The following FRY variants were observed in gnomAD, a reference collection of about 807,000 sequenced individuals.
FRY encodes protein furry homolog.
FRY carries 128 observed loss-of-function variants against 348.4 expected under a neutral mutation model. The ratio of observed to expected loss-of-function variants is 0.37; its 90% confidence interval spans 0.32 to 0.43. The LOEUF (loss-of-function observed/expected upper bound fraction) is 0.43, where lower values mean the gene tolerates loss of function less well. Ranked by LOEUF, FRY falls within the 20% of genes least tolerant of loss-of-function variation. The pLI, the probability that FRY is intolerant of heterozygous loss-of-function variation, is 1.00. For missense variants in FRY, 2,736 were observed against 3,695.2 expected (o/e 0.74, Z 6.73); for synonymous variants, 1,370 against 1,374.7 (o/e 1.00, Z 0.08).
Position 32,234,559 on chromosome 13 carries a change from C to T in FRY, c.5528-15C>T, listed in dbSNP as rs377263264. 4.3e-6 allele frequency: 7 copies of T among 1,612,392 alleles called. No individual in the cohort carries two copies. In the African/African-American group the frequency reaches 6.7e-5, roughly 15 times the overall value. On this transcript the variant is annotated splice_polypyrimidine_tract_variant and intron_variant, in intron 41 of 60. Coordinates refer to ENST00000542859, the MANE Select transcript of FRY (RefSeq NM_023037.3). The stretch of plus-strand genomic sequence containing the variant: ...GAGTAGAGACTGACCTATTCTGTGG[C>T]TCTTGTTACCCTAGGCTTCCATCTG...
chr13:32,294,427 A>G lies in FRY; in HGVS notation c.8640A>G (p.Ala2880=). The change falls in exon 60 of 61, where the codon GCA becomes GCG. Residue 2880 remains alanine (A), a synonymous_variant. Transcript: ENST00000542859. ...DLKKHLKEAS[A]VIAADPLYSD... ...AGAAACACCTGAAGGAAGCCAGTGC[A>G]GTCATTGCAGCTGACCCTCTCTATT... is the stretch of plus-strand genomic sequence containing the variant. The G allele has an allele frequency of 1.2e-6, 2 of 1,614,080 alleles. No homozygotes were observed. The highest frequency in any genetic ancestry group is 1.7e-6 in the Non-Finnish European group (2 of 1,179,922).
chr13:32,249,544 C>T lies in FRY; in HGVS notation c.7027C>T (p.Arg2343Trp), dbSNP rs1452957961. 3.1e-6 allele frequency: 5 copies of T among 1,613,942 alleles called. No individual in the cohort carries two copies. Among genetic ancestry groups the T allele is most frequent in the South Asian group, 2.2e-5 (2 of 91,074 alleles). The change falls in exon 49 of 61, where the codon CGG becomes TGG. Residue 2343 changes from arginine (R) to tryptophan (W), a missense_variant. By Grantham distance (101) the Arg-to-Trp change is moderately radical (BLOSUM62 -3). Coordinates refer to ENST00000542859, the MANE Select transcript of FRY (RefSeq NM_023037.3). ...TCTCAAGACTCCAATCATCGGGAGG[C>T]GGTATGATGAGCTGCAGAATTCTTC... ...DISETPIIGR[R>W]YDELQNSSGR...
At chr13:32,249,107 G>T (rs1242039808) in intron 48 of FRY, among the ~76,000 whole-genome samples, 2 of 152,150 alleles carry the variant, frequency 1.3e-5, no homozygotes, top group Non-Finnish European at 2.9e-5. Flanking sequence ...ATATAAATAA[G>T]TTAAATACAT....
chr13:32,098,089 T>C (rs1876876551), intron 2 of FRY, among the ~76,000 whole-genome samples: 1 of 152,070 alleles, frequency 6.6e-6, no homozygotes, highest in South Asian at 2.1e-4. Flanking sequence ...CACATGGTGG[T>C]CTCACCTACA....
rs371474841 is a variant in FRY, at chr13:32,289,722, C to T, written c.8559C>T (p.His2853=). 5.0e-5 allele frequency: 80 copies of T among 1,604,710 alleles called. No individual in the cohort carries two copies. The highest frequency in any genetic ancestry group is 3.1e-4 in the East Asian group (14 of 44,844). ...ACTGTAAGCTCATCGGCCAGGTGCA[C>T]GAAGTTAGCTCCATGCCAGAGGTGA... is the stretch of plus-strand genomic sequence containing the variant. The part of the protein sequence containing the change: ...QSYCKLIGQV[H]EVSSMPELLN... Residue 2853 remains histidine (H), a synonymous_variant, in exon 59 of 61, where the codon CAC becomes CAT. Coordinates refer to ENST00000542859, the MANE Select transcript of FRY (RefSeq NM_023037.3).
At chr13:32,131,561 C>A in intron 7 of FRY, 111 bp from the exon 8 acceptor site, 1 of 760,678 alleles carries the variant, frequency 1.3e-6, no homozygotes, top group Non-Finnish European at 2.3e-6. Context: ...TGTACTTGAA[C>A]TGATTTAAAG....
chr13:32,217,395 T>C (rs1250373775), intron 35 of FRY, among the ~76,000 whole-genome samples: 3 of 152,310 alleles, frequency 2.0e-5, no homozygotes, highest in South Asian at 4.1e-4. Flanking sequence ...ATGCTATTGA[T>C]TTCTTTCTAG....
intron 40 of FRY, 105 bp from the exon 41 acceptor site, chr13:32,231,074 C>CA: frequency 1.0e-6 from 1 of 982,902 alleles, no homozygotes; most frequent in East Asian, 2.6e-5. Context: ...GCATAGATTG[C>CA]AAAAAATTTA....
chr13:32,101,913 A>G (rs745914700), intron 2 of FRY, 50 bp from the exon 3 acceptor site: 1 of 1,011,584 alleles, frequency 9.9e-7, no homozygotes, highest in Non-Finnish European at 1.6e-6. Context: ...CTTTTATACT[A>G]TTTAAGAGAC....
In FRY at chr13:32,178,198, A is replaced by G. The variant is rs1363678620; in HGVS notation, c.2443A>G (p.Asn815Asp). The change falls in exon 21 of 61, where the codon AAT becomes GAT. Residue 815 changes from asparagine (N) to aspartate (D), a missense_variant. Coordinates refer to ENST00000542859, the MANE Select transcript of FRY (RefSeq NM_023037.3). ...SDSATLPLTH[N>D]VDLQWLVEWN... Reference sequence around the variant, plus strand: ...ACAGGCAACATTACCACTCACCCACAATGTGGATCTGCAGTGGTTGGTGGA... The same window carrying G: ...ACAGGCAACATTACCACTCACCCACGATGTGGATCTGCAGTGGTTGGTGGA... 6.2e-7 allele frequency: 1 copy of G among 1,614,170 alleles called. No homozygotes were observed. The highest frequency in any genetic ancestry group is 8.5e-7 in the Non-Finnish European group (1 of 1,179,994).
intron 2 of FRY, among the ~76,000 whole-genome samples, chr13:32,085,531 C>G (rs1418292529): frequency 6.6e-6 from 1 of 152,168 alleles, no homozygotes; most frequent in Non-Finnish European, 1.5e-5. Flanking sequence ...GCCAGTCAAC[C>G]TCCTTTTTTT....
chr13:32,220,093 A>G (rs1566143209), intron 36 of FRY, among the ~76,000 whole-genome samples: 1 of 152,232 alleles, frequency 6.6e-6, no homozygotes, highest in African/African-American at 2.4e-5. Context: ...GGGAATCAGT[A>G]TCTTGTGGGA....
intron 8 of FRY, among the ~76,000 whole-genome samples, chr13:32,134,702 C>G (rs1372102701): frequency 2.0e-5 from 3 of 152,228 alleles, no homozygotes; most frequent in African/African-American, 7.2e-5. Flanking sequence ...AAAAAACCAG[C>G]CTTGCAGAAT....
intron 47 of FRY, among the ~76,000 whole-genome samples, chr13:32,244,959 A>AT (rs954021822): frequency 1.1e-4 from 16 of 150,110 alleles, no homozygotes; most frequent in South Asian, 2.1e-4. Context: ...CTACAGATTG[A>AT]TTTTTTTTTT....
At chr13:32,191,695 C>G (rs1883347361) in intron 28 of FRY, among the ~76,000 whole-genome samples, 1 of 152,088 alleles carries the variant, frequency 6.6e-6, no homozygotes, top group African/African-American at 2.4e-5. Context: ...GGGCCTTTTT[C>G]CTGGTTCACA....
intron 57 of FRY, among the ~76,000 whole-genome samples, chr13:32,277,112 C>T (rs1888571793): frequency 6.6e-6 from 1 of 152,134 alleles, no homozygotes; most frequent in South Asian, 2.1e-4. Context: ...CAGGTGGAGG[C>T]CCAGAGAAGT....
rs117821186 is a variant in FRY, at chr13:32,249,351, A to G, written c.7009-175A>G. On this transcript the variant is annotated intron_variant, in intron 48 of 60. Transcript: ENST00000542859. ...AGAGGGGAGGAAATGTTGAAGATGAAAAACGACTCATAATGTGTACTTGCA... is the reference window on the plus strand; with the variant it reads ...AGAGGGGAGGAAATGTTGAAGATGAGAAACGACTCATAATGTGTACTTGCA... Among the ~76,000 whole-genome samples, 6 of 152,342 alleles carry G rather than the reference A, an allele frequency of 3.9e-5. No homozygotes were observed. In the East Asian group the frequency reaches 1.2e-3, roughly 29 times the overall value.
chr13:32,166,518 C>T (rs773822745), intron 17 of FRY, among the ~76,000 whole-genome samples: 9 of 152,200 alleles, frequency 5.9e-5, no homozygotes, highest in Non-Finnish European at 1.2e-4. Context: ...TCCAAGGCTT[C>T]CTTTCCCTTT....
At chr13:32,059,319 AATTT>A (rs1873802647) in intron 1 of FRY, among the ~76,000 whole-genome samples, 2 of 152,028 alleles carry the variant, frequency 1.3e-5, no homozygotes, top group Admixed American at 6.5e-5. Context: ...TCTGGACTCC[AATTT>A]ATTTATTTAT....
Sources: allele counts gnomAD v4.1 joint callset (sites outside exome capture counted in the v4.1 genomes callset), GRCh38; gene constraint gnomAD v4.1.1; transcripts MANE v1.5; gene names NCBI Gene and HGNC (gene_info 2026-07-23, HGNC 2026-07-21).